The following PCDH15 variants were observed in gnomAD, a reference collection of about 807,000 sequenced individuals.
PCDH15 encodes the protein protocadherin related 15.
Under a neutral mutation model 178.5 loss-of-function variants are expected in PCDH15, and 129 were observed. The observed-to-expected ratio is 0.72, with a 90% confidence interval of 0.63 to 0.84. The LOEUF is 0.84. Among genes scored for constraint, PCDH15 ranks in the 40% least tolerant of loss-of-function variants. The pLI is 0.00. For missense variants in PCDH15, 2,230 were observed against 2,099.9 expected, an observed-to-expected ratio of 1.06 and a Z score of -1.21; for synonymous variants, 800 against 732.0, an observed-to-expected ratio of 1.09 and a Z score of -1.50.
chr10:54,137,980 C>T (rs2043042739), intron 14 of PCDH15, among the ~76,000 whole-genome samples: 1 of 152,110 alleles, frequency 6.6e-6, no homozygotes, highest in African/African-American at 2.4e-5. Context: ...TCTGGCCCCA[C>T]AGCAGCTACC....
In PCDH15 at chr10:55,033,205, G is replaced by C. The variant is rs537814309; in HGVS notation, c.-80+133371C>G. ...CAAAGGGAGAGGCATAGTGCAGGAG[G>C]GGGCAGGGGGACAGCTACATCACAG... On this transcript the variant is annotated intron_variant, in intron 2 of 5. Coordinates refer to the PCDH15 transcript ENST00000458638. Among the ~76,000 whole-genome samples, 3 of 152,252 alleles carry C rather than the reference G, an allele frequency of 2.0e-5. No homozygotes were observed. In the South Asian group the frequency reaches 6.2e-4, roughly 32 times the overall value.
chr10:53,891,028 T>G (rs2081519582), intron 26 of PCDH15, among the ~76,000 whole-genome samples: 1 of 152,152 alleles, frequency 6.6e-6, no homozygotes, highest in South Asian at 2.1e-4. Flanking sequence ...TGATAGACAA[T>G]TCAAAATTAA....
intron 1 of PCDH15, among the ~76,000 whole-genome samples, chr10:54,763,173 T>C (rs1948096735): frequency 6.6e-6 from 1 of 152,068 alleles, no homozygotes; most frequent in Non-Finnish European, 1.5e-5. Flanking sequence ...AGGTGGTTGG[T>C]AGAGATAAAC....
chr10:54,055,907 A>G (rs2093876490), intron 18 of PCDH15, among the ~76,000 whole-genome samples: 1 of 152,220 alleles, frequency 6.6e-6, no homozygotes, highest in South Asian at 2.1e-4. Flanking sequence ...TAGTTGAGAA[A>G]ACAAATGAAA....
chr10:54,156,399 T>C (rs960484445), intron 13 of PCDH15, among the ~76,000 whole-genome samples: 3 of 152,142 alleles, frequency 2.0e-5, no homozygotes, highest in African/African-American at 7.2e-5. Flanking sequence ...CTCATAATCA[T>C]GGCAGAAGGT....
At chr10:55,170,882 AAAAAAAAG>A (rs1435206456) in intron 1 of PCDH15, among the ~76,000 whole-genome samples, 1 of 151,784 alleles carries the variant, frequency 6.6e-6, no homozygotes, top group Non-Finnish European at 1.5e-5. Context: ...ACTCCATCTC[AAAAAAAAG>A]AAAAAAAGAA....
chr10:54,722,898 C>A (rs1462272206), intron 1 of PCDH15, among the ~76,000 whole-genome samples: 1 of 151,504 alleles, frequency 6.6e-6, no homozygotes, highest in Non-Finnish European at 1.5e-5. Context: ...TTATACATGA[C>A]AAAAACAAAT....
At chr10:55,432,114 C>CACACACA (rs71014487) in intron 2 of PCDH15, among the ~76,000 whole-genome samples, 3 of 146,988 alleles carry the variant, frequency 2.0e-5, no homozygotes, top group South Asian at 2.1e-4. Context: ...CACACACACA[C>CACACACA]CACAAGTCTC....
At chr10:54,755,301 C>G (rs1156327094) in intron 1 of PCDH15, among the ~76,000 whole-genome samples, 3 of 151,930 alleles carry the variant, frequency 2.0e-5, no homozygotes, top group Non-Finnish European at 4.4e-5. Flanking sequence ...TAGGAGGAAC[C>G]CAGTATAGTA....
At chr10:54,460,689 C>T (rs915685113) in intron 3 of PCDH15, among the ~76,000 whole-genome samples, 4 of 152,024 alleles carry the variant, frequency 2.6e-5, no homozygotes, top group African/African-American at 4.8e-5. Flanking sequence ...TCAGAAATAA[C>T]TTTCATCTCT....
chr10:54,656,564 G>T lies in PCDH15; in HGVS notation c.91+7608C>A, dbSNP rs183482054. ...GTGCCGTACTAGTTGTGTACACATA[G>T]TGGGCCACTGCTGTGCCTGTAGAAC... On this transcript the variant is annotated intron_variant, in intron 2 of 37. Transcript: ENST00000644397. 7.9e-5 allele frequency among the ~76,000 whole-genome samples: 12 copies of T among 152,282 alleles called. No homozygotes were observed. The East Asian group carries it at 1.4e-3, about 17-fold the overall frequency.
chr10:55,437,675 C>T (rs1009239712), intron 2 of PCDH15, among the ~76,000 whole-genome samples: 9 of 151,956 alleles, frequency 5.9e-5, no homozygotes, highest in African/African-American at 2.2e-4. Context: ...GCCATCTAAC[C>T]CTTCTCCCAT....
intron 2 of PCDH15, among the ~76,000 whole-genome samples, chr10:55,614,166 A>G (rs1435218865): frequency 1.3e-5 from 2 of 152,034 alleles, no homozygotes; most frequent in African/African-American, 4.8e-5. Context: ...TTTATGATTT[A>G]AATTTTACTT....
intron 2 of PCDH15, among the ~76,000 whole-genome samples, chr10:55,387,380 A>G (rs951465676): frequency 6.6e-6 from 1 of 152,080 alleles, no homozygotes; most frequent in Non-Finnish European, 1.5e-5. Flanking sequence ...TTTTTATATT[A>G]TAATTGAAGT....
intron 1 of PCDH15, among the ~76,000 whole-genome samples, chr10:55,294,734 G>T: frequency 6.6e-6 from 1 of 152,056 alleles, no homozygotes; most frequent in East Asian, 1.9e-4. Context: ...AGTTATGTAA[G>T]GACCTGAACT....
At chr10:53,834,570 T>G (rs1164227892) in intron 29 of PCDH15, among the ~76,000 whole-genome samples, 1 of 151,796 alleles carries the variant, frequency 6.6e-6, no homozygotes, top group Non-Finnish European at 1.5e-5. Flanking sequence ...AGTTACTATA[T>G]GCAAACCTTT....
At chr10:54,915,153 TAC>T (rs1489738337) in intron 2 of PCDH15, among the ~76,000 whole-genome samples, 1 of 152,200 alleles carries the variant, frequency 6.6e-6, no homozygotes, top group Non-Finnish European at 1.5e-5. Flanking sequence ...TCAAGATGTT[TAC>T]CATTCTGGAA....
At chr10:54,119,322 A>C (rs544076890) in intron 15 of PCDH15, among the ~76,000 whole-genome samples, 11 of 151,740 alleles carry the variant, frequency 7.2e-5, no homozygotes, top group Admixed American at 3.9e-4. Flanking sequence ...TCTGGAATCA[A>C]AAAAACTCTT....
intron 1 of PCDH15, among the ~76,000 whole-genome samples, chr10:55,176,679 C>T (rs56279844): frequency 0.12 from 17,595 of 152,078 alleles, 1,448 homozygotes; most frequent in Non-Finnish European, 0.17. Flanking sequence ...TCATTAATGA[C>T]GTTGTGGTTC....
Sources: gnomAD v4.1 joint callset for allele counts (sites outside exome capture counted in the v4.1 genomes callset) on GRCh38, gnomAD v4.1.1 for gene constraint, MANE v1.5 for transcripts, NCBI Gene and HGNC (gene_info 2026-07-23, HGNC 2026-07-21) for gene names.